The following NLRP9 variants were observed in gnomAD, a reference collection of about 807,000 sequenced individuals.
NLRP9 encodes the protein NACHT, LRR and PYD domains-containing protein 9.
A neutral mutation model predicts 83.1 loss-of-function variants in NLRP9; 88 were observed. The observed-to-expected ratio is 1.06, with a 90% CI of 0.89 to 1.26. The LOEUF is 1.26. Among genes scored for constraint, NLRP9 ranks in the 50% most tolerant of loss-of-function variants. NLRP9 has a pLI of 0.00. For missense variants in NLRP9, 1,308 were observed against 1,179.3 expected, an observed-to-expected ratio of 1.11 and a Z score of -1.60; for synonymous variants, 521 against 447.6, an observed-to-expected ratio of 1.16 and a Z score of -2.07.
intron 6 of NLRP9, among the ~76,000 whole-genome samples, chr19:55,713,573 TTC>T (rs1491267972): frequency 7.8e-6 from 1 of 127,494 alleles, no homozygotes; most frequent in Non-Finnish European, 1.7e-5. Flanking sequence ...CCCTGGCACC[TTC>T]TCTCCCTCCT....
At chr19:55,714,818 C>T (rs529664312) in intron 6 of NLRP9, among the ~76,000 whole-genome samples, 1 of 152,090 alleles carries the variant, frequency 6.6e-6, no homozygotes, top group Non-Finnish European at 1.5e-5. Context: ...GTGGAAGGGG[C>T]AGAAGAGTCT....
Position 55,708,849 on chromosome 19 carries a change from G to A in NLRP9, c.*63C>T. The A allele has an allele frequency of 8.0e-7, 1 of 1,250,972 alleles. No homozygotes were observed. Among genetic ancestry groups the A allele is most frequent in the Admixed American group, 2.8e-5 (1 of 35,456 alleles). 77.5% of individuals were successfully genotyped at this position (1,250,972 alleles called of 1,614,324 possible). Reference sequence around the variant, plus strand: ...GTGCAATTACAGGATAGAGGTGCCAGGTGAAGGTCCCACTGTGGCCAAGGA... The same window carrying A: ...GTGCAATTACAGGATAGAGGTGCCAAGTGAAGGTCCCACTGTGGCCAAGGA... On this transcript the variant is annotated 3_prime_UTR_variant, in exon 9 of 9. Coordinates refer to ENST00000332836, the MANE Select transcript of NLRP9 (RefSeq NM_176820.4).
rs1987779679 is a variant in NLRP9, at chr19:55,712,557, A to G, written c.2535T>C (p.Cys845=). 1 of 1,612,550 alleles carries G rather than the reference A, an allele frequency of 6.2e-7. No homozygotes were observed. Among genetic ancestry groups the G allele is most frequent in the South Asian group, 1.1e-5 (1 of 91,050 alleles). The change falls in exon 7 of 9, where the codon TGT becomes TGC. Residue 845 remains cysteine (C), a synonymous_variant. Transcript: ENST00000332836. ...AAATAAGAACAGCAGCAATGTCCTTACAGGAATCGGAAGTAAGGAAACAGC... is the reference window on the plus strand; with the variant it reads ...AAATAAGAACAGCAGCAATGTCCTTGCAGGAATCGGAAGTAAGGAAACAGC... ...LMGCFLTSDS[C]KDIAAVLICN... is the part of the protein sequence containing the mutation.
At chr19:55,734,620 CATAT>C (rs763996023) in intron 1 of NLRP9, among the ~76,000 whole-genome samples, 2,201 of 87,566 alleles carry the variant, frequency 0.025, 22 homozygotes, top group Non-Finnish European at 0.032. Flanking sequence ...CACACACACA[CATAT>C]ATATATATAT....
rs528848620 is a variant in NLRP9, at chr19:55,733,279, G to A, written c.552C>T (p.Phe184=). Residue 184 remains phenylalanine, a synonymous_variant, in exon 2 of 9, where the codon TTC becomes TTT. Transcript: ENST00000332836. The part of the protein sequence containing the change: ...LWKDRFTFVF[F]LNVCEMNGIA... ...TACCGTTCATTTCACAGACATTGAG[G>A]AAAAACACAAATGTGAACCTGTCCT... The A allele has an allele frequency of 7.7e-5, 124 of 1,614,052 alleles. 1 individual carries two copies. The South Asian group carries it at 1.3e-3, about 17-fold the overall frequency.
intron 4 of NLRP9, among the ~76,000 whole-genome samples, chr19:55,720,133 A>C (rs1988179012): frequency 1.3e-5 from 2 of 152,192 alleles, no homozygotes; most frequent in Non-Finnish European, 2.9e-5. Flanking sequence ...AATGATAACT[A>C]CTGTTGTTCA....
chr19:55,709,231 A>C lies in NLRP9; in HGVS notation c.2844-187T>G, dbSNP rs76136445. The C allele has an allele frequency of 0.021, 8,501 of 409,532 alleles. 110 individuals carry two copies. Among genetic ancestry groups the C allele is most frequent in the Non-Finnish European group, 0.028 (6,477 of 233,266 alleles). The allele number at this position is 409,532 out of a possible 1,614,324, so 25.4% of individuals were successfully genotyped here. On this transcript the variant is annotated intron_variant, in intron 8 of 8. Transcript: ENST00000332836. ...GGATAGGAAGCCTCTGATTTATACC[A>C]TAAAGTGAAATTTCATATACAGGAT...
chr19:55,712,719 G>C, intron 6 of NLRP9, 129 bp from the exon 7 acceptor site: 1 of 717,914 alleles, frequency 1.4e-6, no homozygotes, highest in Non-Finnish European at 2.3e-6. Flanking sequence ...AGGGTGGGGA[G>C]GGGAAGGAGG....
At chr19:55,712,392 C>T (rs1028893386) in intron 7 of NLRP9, 28 bp downstream of exon 7, 5 of 1,578,454 alleles carry the variant, frequency 3.2e-6, no homozygotes, top group Non-Finnish European at 4.3e-6. Context: ...GATAAATTTT[C>T]CTACGATGGT....
chr19:55,708,700 C>G lies in NLRP9; in HGVS notation c.*212G>C, dbSNP rs1013001810. 2.5e-6 allele frequency: 1 copy of G among 394,940 alleles called. No homozygotes were observed. The highest frequency in any genetic ancestry group is 2.0e-5 in the African/African-American group (1 of 48,790). The allele number at this position is 394,940 out of a possible 1,614,324, so 24.5% of individuals were successfully genotyped here. On this transcript the variant is annotated 3_prime_UTR_variant, in exon 9 of 9. Transcript: ENST00000332836. ...AATATCACAAGGCAGGATGGGATTT[C>G]TAAAGACAAGGGGATATAGGACCGA...
chr19:55,728,249 G>T (rs1430082816), intron 3 of NLRP9, among the ~76,000 whole-genome samples: 1 of 152,164 alleles, frequency 6.6e-6, no homozygotes, highest in African/African-American at 2.4e-5. Context: ...TTATCAGTCA[G>T]GTTGGTGGAA....
rs749689427 is a variant in NLRP9, at chr19:55,712,432, A to G, written c.2660T>C (p.Leu887Ser). 1 of 1,612,500 alleles carries G rather than the reference A, an allele frequency of 6.2e-7. No individual in the cohort carries two copies. The highest frequency in any genetic ancestry group is 2.2e-5 in the East Asian group (1 of 44,834). ...AGTAGATACTCACCCGAGACACTCT[A>G]ATTTACAGTGAGGATGCTGCAAAGC... ...CAALQHPHCK[L>S]ECLGLQTCPI... Residue 887 changes from leucine (L) to serine (S), a missense_variant, in exon 7 of 9, where the codon TTA (leucine) becomes TCA (serine). Coordinates refer to ENST00000332836, the MANE Select transcript of NLRP9 (RefSeq NM_176820.4).
At chr19:55,734,384 A>C (rs1015154425) in intron 1 of NLRP9, among the ~76,000 whole-genome samples, 106 of 149,120 alleles carry the variant, frequency 7.1e-4, no homozygotes, top group African/African-American at 2.5e-3. Flanking sequence ...AAAAAAAAAA[A>C]AAAAAAAAAA....
chr19:55,708,931 A>T lies in NLRP9; in HGVS notation c.2957T>A (p.Ile986Asn). The change falls in exon 9 of 9, where the codon ATC (isoleucine) becomes AAC (asparagine). Residue 986 changes from isoleucine (I) to asparagine (N), a missense_variant. Ile to Asn is a moderately radical substitution (Grantham distance 149, BLOSUM62 -3). Transcript: ENST00000332836. The stretch of plus-strand genomic sequence containing the variant: ...TCCCCATCAGAGGAGCACACCCCTG[A>T]TCTTGTATTCCTCGTCAATCCAAGG... ...HGPWIDEEYKIRGVLL is the reference protein window; with the variant it reads ...HGPWIDEEYKNRGVLL 15 of 1,561,656 alleles carry T rather than the reference A, an allele frequency of 9.6e-6. No individual in the cohort carries two copies. The highest frequency in any genetic ancestry group is 1.3e-5 in the Non-Finnish European group (15 of 1,161,270).
intron 1 of NLRP9, among the ~76,000 whole-genome samples, chr19:55,734,679 G>C (rs1988737992): frequency 6.7e-6 from 1 of 148,154 alleles, no homozygotes; most frequent in Admixed American, 6.8e-5. Context: ...TTGTCCCCCA[G>C]GCTGGAGTGA....
chr19:55,712,425 A>G lies in NLRP9; in HGVS notation c.2667T>C (p.Cys889=). Residue 889 remains cysteine (C), a synonymous_variant, in exon 7 of 9, where the codon TGT becomes TGC. Transcript: ENST00000332836. The stretch of plus-strand genomic sequence containing the variant: ...GGTGATCAGTAGATACTCACCCGAG[A>G]CACTCTAATTTACAGTGAGGATGCT... ...ALQHPHCKLE[C]LGLQTCPITR... 1.9e-6 allele frequency: 3 copies of G among 1,611,786 alleles called. No homozygotes were observed. The South Asian group carries it at 3.3e-5, about 18-fold the overall frequency.
chr19:55,727,023 C>A (rs192833638), intron 3 of NLRP9, among the ~76,000 whole-genome samples: 1 of 152,226 alleles, frequency 6.6e-6, no homozygotes, highest in African/African-American at 2.4e-5. Context: ...GAGGTCAAGG[C>A]AGGTGGATCA....
Position 55,719,405 on chromosome 19 carries a change from G to C in NLRP9, c.2160-2507C>G, listed in dbSNP as rs371968787. Among the ~76,000 whole-genome samples, 6 of 152,116 alleles carry C rather than the reference G, an allele frequency of 3.9e-5. No homozygotes were observed. The East Asian group carries it at 9.6e-4, about 24-fold the overall frequency. On this transcript the variant is annotated intron_variant, in intron 4 of 8. Transcript: ENST00000332836. ...TGAGCTCAAGTGATCTGCCCGCCTC[G>C]GCCTCCCAGAGTGCTGGGATGACAG...
Position 55,729,898 on chromosome 19 carries a change from C to G in NLRP9, c.1927G>C (p.Asp643His). Residue 643 changes from aspartate to histidine, a missense_variant, in exon 3 of 9, where the codon GAT (aspartate) becomes CAT (histidine). Coordinates refer to ENST00000332836, the MANE Select transcript of NLRP9 (RefSeq NM_176820.4). ...CAAAGAATCGCCAGGGAGGGATCAT[C>G]GAGGCTGGTATTTTCCATGTCTAAA... ...QILDMENTSLDDPSLAILCKA... is the reference protein window; with the variant it reads ...QILDMENTSLHDPSLAILCKA... 1 of 1,613,738 alleles carries G rather than the reference C, an allele frequency of 6.2e-7. No individual in the cohort carries two copies. Among genetic ancestry groups the G allele is most frequent in the South Asian group, 1.1e-5 (1 of 91,064 alleles).
Sources: allele counts gnomAD v4.1 joint callset (sites outside exome capture counted in the v4.1 genomes callset), GRCh38; gene constraint gnomAD v4.1.1; transcripts MANE v1.5; gene names NCBI Gene and HGNC (gene_info 2026-07-23, HGNC 2026-07-21).